Variants in CAMSAP2 observed in about 807,000 individuals in gnomAD.
CAMSAP2 encodes the protein calmodulin regulated spectrin associated protein family member 2.
CAMSAP2 carries 26 observed loss-of-function variants against 146.1 expected under a neutral mutation model. The observed-to-expected ratio is 0.18, with a 90% CI of 0.13 to 0.25. CAMSAP2 has a LOEUF of 0.25. Among genes scored for constraint, CAMSAP2 ranks in the 10% least tolerant of loss-of-function variants. The pLI, the probability that CAMSAP2 is intolerant of heterozygous loss-of-function variation, is 1.00. For synonymous variants in CAMSAP2, 499 were observed against 596.6 expected (o/e 0.84, Z 2.38); for missense variants, 1,381 against 1,759.3 (o/e 0.78, Z 3.85).
chr1:200,821,890 A>G (rs1166775984), intron 4 of CAMSAP2, among the ~76,000 whole-genome samples: 1 of 152,132 alleles, frequency 6.6e-6, no homozygotes, highest in Non-Finnish European at 1.5e-5. Flanking sequence ...TAACAGTTTT[A>G]TAAATTAATA....
chr1:200,773,543 T>C (rs900177239), intron 2 of CAMSAP2, among the ~76,000 whole-genome samples: 1 of 152,112 alleles, frequency 6.6e-6, no homozygotes, highest in Admixed American at 6.6e-5. Context: ...AGGTGTGAGC[T>C]ACCATGTCCG....
At chr1:200,803,817 A>C (rs542875792) in intron 2 of CAMSAP2, among the ~76,000 whole-genome samples, 1 of 152,180 alleles carries the variant, frequency 6.6e-6, no homozygotes, top group African/African-American at 2.4e-5. Context: ...TTTACATACT[A>C]TAACAAGGTA....
chr1:200,761,789 C>G (rs1303364359), intron 2 of CAMSAP2, among the ~76,000 whole-genome samples: 1 of 150,830 alleles, frequency 6.6e-6, no homozygotes, highest in Non-Finnish European at 1.5e-5. Context: ...TGGTAAATTT[C>G]TGCATATCAG....
At chr1:200,750,162 A>G (rs538428315) in intron 1 of CAMSAP2, among the ~76,000 whole-genome samples, 2 of 152,120 alleles carry the variant, frequency 1.3e-5, no homozygotes, top group Admixed American at 6.5e-5. Flanking sequence ...TGGAGTAAAT[A>G]TAGTAATTAA....
At chr1:200,810,543 T>C (rs1432151683) in intron 3 of CAMSAP2, among the ~76,000 whole-genome samples, 1 of 135,010 alleles carries the variant, frequency 7.4e-6, no homozygotes, top group Non-Finnish European at 1.6e-5. Context: ...GCCACGGCAC[T>C]CCAGCCTGGG....
intron 2 of CAMSAP2, among the ~76,000 whole-genome samples, chr1:200,806,771 A>G (rs61827521): frequency 0.04 from 2,643 of 65,878 alleles, 38 homozygotes; most frequent in Middle Eastern, 0.08. Context: ...GTGTGTATCT[A>G]TCTATCTATC....
chr1:200,784,591 A>G (rs985113981), intron 2 of CAMSAP2, among the ~76,000 whole-genome samples: 2 of 152,202 alleles, frequency 1.3e-5, no homozygotes, highest in Non-Finnish European at 2.9e-5. Context: ...TTGAATTTTG[A>G]ACATTTTTTT....
chr1:200,750,248 T>C (rs1042937527), intron 1 of CAMSAP2, among the ~76,000 whole-genome samples: 2 of 152,138 alleles, frequency 1.3e-5, no homozygotes, highest in African/African-American at 4.8e-5. Flanking sequence ...GGGAAGACTT[T>C]AGCCTGGATT....
chr1:200,796,444 G>T (rs116613366), intron 2 of CAMSAP2, among the ~76,000 whole-genome samples: 1 of 152,074 alleles, frequency 6.6e-6, no homozygotes, highest in Admixed American at 6.6e-5. Flanking sequence ...TTTGGCTGTG[G>T]TGAGTCCCTT....
intron 2 of CAMSAP2, among the ~76,000 whole-genome samples, chr1:200,798,285 C>T: frequency 7.4e-6 from 1 of 134,802 alleles, no homozygotes; most frequent in Non-Finnish European, 1.5e-5. Flanking sequence ...GATATTGATT[C>T]TTCCCACCCA....
At chr1:200,841,303 A>G (rs1279261144) in intron 6 of CAMSAP2, among the ~76,000 whole-genome samples, 1 of 152,096 alleles carries the variant, frequency 6.6e-6, no homozygotes, top group African/African-American at 2.4e-5. Context: ...CTGGAGTGCA[A>G]TGGCATGATC....
At chr1:200,834,824 A>G (rs1667145559) in intron 6 of CAMSAP2, among the ~76,000 whole-genome samples, 2 of 152,140 alleles carry the variant, frequency 1.3e-5, no homozygotes, top group African/African-American at 4.8e-5. Context: ...ATATTGGAGG[A>G]TTGCTTGAAC....
At chr1:200,809,132 G>A (rs1004680620) in intron 3 of CAMSAP2, among the ~76,000 whole-genome samples, 2 of 152,032 alleles carry the variant, frequency 1.3e-5, no homozygotes, top group South Asian at 4.2e-4. Flanking sequence ...CGGACCTTCT[G>A]TAACCCTTTC....
intron 2 of CAMSAP2, among the ~76,000 whole-genome samples, chr1:200,779,797 G>T (rs967159764): frequency 2.6e-5 from 4 of 151,870 alleles, no homozygotes; most frequent in Non-Finnish European, 5.9e-5. Flanking sequence ...TTATATCTCA[G>T]ATTGGGAATT....
chr1:200,754,346 A>G (rs1664588503), intron 1 of CAMSAP2, among the ~76,000 whole-genome samples: 1 of 152,148 alleles, frequency 6.6e-6, no homozygotes, highest in Admixed American at 6.5e-5. Context: ...GTTAACTTTG[A>G]TCACCTGGTC....
chr1:200,847,940 A>T, intron 10 of CAMSAP2, 92 bp from the exon 11 acceptor site: 1 of 972,170 alleles, frequency 1.0e-6, no homozygotes, highest in Non-Finnish European at 1.5e-6. Context: ...TGGGGAAAGA[A>T]AGGAAATGTA....
chr1:200,739,845 C>G lies in CAMSAP2; in HGVS notation c.18C>G (p.Asp6Glu). Residue 6 changes from aspartate to glutamate, a missense_variant, in exon 1 of 17, where the codon GAC becomes GAG. Transcript: ENST00000358823. The surrounding 1 kb of genome is among the most constrained non-coding windows in gnomAD (Gnocchi z 4.8). Reference protein sequence around the residue: MGDAADPREMRKTFIV... With the variant: MGDAAEPREMRKTFIV... ...GGTGAAAGATGGGGGATGCTGCAGA[C>G]CCCAGGGAGATGAGAAAGACGTTCA... The G allele has an allele frequency of 1.9e-6, 3 of 1,614,028 alleles. No homozygotes were observed. The highest frequency in any genetic ancestry group is 2.5e-6 in the Non-Finnish European group (3 of 1,179,972).
intron 4 of CAMSAP2, among the ~76,000 whole-genome samples, chr1:200,817,050 A>ATG (rs1449637088): frequency 7.1e-6 from 1 of 141,178 alleles, no homozygotes; most frequent in Non-Finnish European, 1.6e-5. Context: ...ACACACGTGT[A>ATG]TGTGTATACA....
intron 14 of CAMSAP2, among the ~76,000 whole-genome samples, chr1:200,855,613 T>TG (rs1312334592): frequency 6.6e-6 from 1 of 152,032 alleles, no homozygotes. Flanking sequence ...TTTTTTTTTT[T>TG]TGAGACGGAG....
Sources: allele counts gnomAD v4.1 joint callset (sites outside exome capture counted in the v4.1 genomes callset), GRCh38; gene constraint gnomAD v4.1.1; non-coding constraint Gnocchi (gnomAD v3.1); transcripts MANE v1.5; gene names NCBI Gene and HGNC (gene_info 2026-07-23, HGNC 2026-07-21).